Variants in HCRTR2 observed in about 807,000 individuals in gnomAD.
HCRTR2 encodes the protein hypocretin receptor 2, also known as orexin receptor type 2.
In HCRTR2, 22 loss-of-function variants were observed where a neutral mutation model predicts 49.0. The observed-to-expected ratio is 0.45, with a 90% CI of 0.32 to 0.64. The LOEUF (loss-of-function observed/expected upper bound fraction) is 0.64. Ranked by LOEUF, HCRTR2 falls within the 30% of genes least tolerant of loss-of-function variation. The probability of loss-of-function intolerance (pLI) is 0.04; values close to 1 mark genes in which losing one functional copy is unlikely to be tolerated. For synonymous variants in HCRTR2, 236 were observed against 205.3 expected, an observed-to-expected ratio of 1.15 and a Z score of -1.28; for missense variants, 491 against 559.4, an observed-to-expected ratio of 0.88 and a Z score of 1.23.
At chr6:55,127,637 A>G (rs1764299831) in intron 1 of HCRTR2, among the ~76,000 whole-genome samples, 2 of 152,226 alleles carry the variant, frequency 1.3e-5, no homozygotes, top group South Asian at 4.1e-4. Flanking sequence ...TAATTGTCTT[A>G]TGCCTAACTA....
intron 1 of HCRTR2, among the ~76,000 whole-genome samples, chr6:55,115,284 T>A (rs566130233): frequency 2.0e-5 from 3 of 151,776 alleles, no homozygotes; most frequent in Non-Finnish European, 3.0e-5. Context: ...TAGGTGTTGA[T>A]CACTTCTAGT....
intron 4 of HCRTR2, 32 bp from the exon 5 acceptor site, chr6:55,277,348 T>C (rs374187668): frequency 6.0e-5 from 94 of 1,559,380 alleles, no homozygotes; most frequent in Non-Finnish European, 7.9e-5. Flanking sequence ...CTAAGTCAAA[T>C]TGCAATAAGG....
intron 1 of HCRTR2, among the ~76,000 whole-genome samples, chr6:55,242,599 C>A (rs1309645724): frequency 2.0e-5 from 3 of 152,200 alleles, no homozygotes; most frequent in South Asian, 2.1e-4. Context: ...CATATCCAAT[C>A]ACATCACAAT....
At chr6:55,284,599 C>T (rs1299177850), downstream of HCRTR2, among the ~76,000 whole-genome samples, 2 of 152,002 alleles carry the variant, frequency 1.3e-5, no homozygotes, top group African/African-American at 4.8e-5. Flanking sequence ...TCATCGCTAC[C>T]GTCAACGTGG....
chr6:55,166,511 AAT>A (rs530087265), intron 1 of HCRTR2, among the ~76,000 whole-genome samples: 90 of 152,206 alleles, frequency 5.9e-4, no homozygotes, highest in African/African-American at 2.1e-3. Flanking sequence ...CACAAAATGA[AAT>A]ATCACTTTCC....
intron 1 of HCRTR2, among the ~76,000 whole-genome samples, chr6:55,135,445 T>A (rs1764420521): frequency 6.6e-6 from 1 of 152,076 alleles, no homozygotes; most frequent in Non-Finnish European, 1.5e-5. Context: ...ATATCACTAC[T>A]CATCTGTTAT....
At chr6:55,153,023 T>C (rs982489325) in intron 1 of HCRTR2, among the ~76,000 whole-genome samples, 1 of 152,022 alleles carries the variant, frequency 6.6e-6, no homozygotes, top group Admixed American at 6.6e-5. Context: ...CTTATGGTCA[T>C]CTTTTAAGTT....
chr6:55,171,471 T>C (rs1322988941), upstream of HCRTR2, among the ~76,000 whole-genome samples: 3 of 152,186 alleles, frequency 2.0e-5, no homozygotes, highest in Admixed American at 6.5e-5. Context: ...CTTTCTTATG[T>C]TTCAAAAGAT....
At chr6:55,230,379 A>T (rs1318978882) in intron 1 of HCRTR2, among the ~76,000 whole-genome samples, 3 of 152,196 alleles carry the variant, frequency 2.0e-5, no homozygotes, top group Admixed American at 6.5e-5. Flanking sequence ...GGACTTCATT[A>T]CTCAGAGCAT....
chr6:55,256,838 G>C lies in HCRTR2; in HGVS notation c.646+1459G>C, dbSNP rs115262088. ...GCCCACCTGGAGAGAAACAGACTCT[G>C]CTTACGGGAGCACACTCTATATAAT... is the stretch of plus-strand genomic sequence containing the variant. On this transcript the variant is annotated intron_variant, in intron 3 of 6. Transcript: ENST00000370862. Among the ~76,000 whole-genome samples, 683 of 152,188 alleles carry C rather than the reference G, an allele frequency of 4.5e-3. 8 individuals are homozygous for C. The highest frequency in any genetic ancestry group is 0.016 in the African/African-American group (644 of 41,534).
At chr6:55,192,233 T>A (rs1765327708) in intron 1 of HCRTR2, among the ~76,000 whole-genome samples, 1 of 152,076 alleles carries the variant, frequency 6.6e-6, no homozygotes, top group African/African-American at 2.4e-5. Flanking sequence ...ACAAAAAAAA[T>A]TAGGATCTGC....
At chr6:55,227,455 G>GCACACATAA (rs1052151258) in intron 1 of HCRTR2, among the ~76,000 whole-genome samples, 1 of 152,042 alleles carries the variant, frequency 6.6e-6, no homozygotes, top group Non-Finnish European at 1.5e-5. Flanking sequence ...GTGTGTGTTT[G>GCACACATAA]CACACATAAA....
chr6:55,210,820 C>T (rs920310209), intron 1 of HCRTR2, among the ~76,000 whole-genome samples: 1 of 152,094 alleles, frequency 6.6e-6, no homozygotes, highest in African/African-American at 2.4e-5. Context: ...TTGTTGGGTA[C>T]AATCTGATTT....
At chr6:55,166,525 C>T (rs1240124615) in intron 1 of HCRTR2, among the ~76,000 whole-genome samples, 11 of 151,970 alleles carry the variant, frequency 7.2e-5, no homozygotes, top group Admixed American at 7.2e-4. Flanking sequence ...TCACTTTCCA[C>T]CCATTATAAT....
At chr6:55,135,873 A>G (rs768513040) in intron 1 of HCRTR2, among the ~76,000 whole-genome samples, 9 of 152,148 alleles carry the variant, frequency 5.9e-5, no homozygotes, top group Admixed American at 1.3e-4. Context: ...TTGCTTATTC[A>G]TGGAAAAGGA....
intron 1 of HCRTR2, among the ~76,000 whole-genome samples, chr6:55,143,930 TA>T (rs1331965335): frequency 6.6e-6 from 1 of 152,190 alleles, no homozygotes; most frequent in Non-Finnish European, 1.5e-5. Flanking sequence ...TCTAGCCTTT[TA>T]TATTAGTTTT....
chr6:55,195,090 C>G (rs1765386203), intron 1 of HCRTR2, among the ~76,000 whole-genome samples: 1 of 151,714 alleles, frequency 6.6e-6, no homozygotes, highest in Non-Finnish European at 1.5e-5. Flanking sequence ...TATTTACTTT[C>G]AGAATTAAAG....
chr6:55,185,102 C>G (rs1407286313), intron 1 of HCRTR2, among the ~76,000 whole-genome samples: 1 of 152,126 alleles, frequency 6.6e-6, no homozygotes, highest in African/African-American at 2.4e-5. Context: ...ACCGAATCAA[C>G]TTTTTATTAT....
At chr6:55,236,689 G>A (rs558800638) in intron 1 of HCRTR2, among the ~76,000 whole-genome samples, 1 of 152,126 alleles carries the variant, frequency 6.6e-6, no homozygotes, top group Non-Finnish European at 1.5e-5. Flanking sequence ...CAACTTGGAG[G>A]TGATGCATTT....
Sources: gnomAD v4.1 joint callset for allele counts (sites outside exome capture counted in the v4.1 genomes callset) on GRCh38, gnomAD v4.1.1 for gene constraint, MANE v1.5 for transcripts, NCBI Gene and HGNC (gene_info 2026-07-23, HGNC 2026-07-21) for gene names.